Variants in S100PBP observed in about 807,000 individuals in gnomAD.
S100PBP encodes the protein S100P binding protein.
Under a neutral mutation model 39.9 loss-of-function variants are expected in S100PBP, and 15 were observed. The ratio of observed to expected loss-of-function variants is 0.38; its 90% confidence interval spans 0.25 to 0.58. The LOEUF (loss-of-function observed/expected upper bound fraction) is 0.58, where lower values mean the gene tolerates loss of function less well. Ranked by LOEUF, S100PBP falls within the 20% of genes least tolerant of loss-of-function variation. The pLI, the probability that S100PBP is intolerant of heterozygous loss-of-function variation, is 0.70. For missense variants in S100PBP, 504 were observed against 487.3 expected, an observed-to-expected ratio of 1.03 and a Z score of -0.32; for synonymous variants, 178 against 180.3, an observed-to-expected ratio of 0.99 and a Z score of 0.10.
At chr1:32,822,781 G>A (rs1639143224) in intron 1 of S100PBP, among the ~76,000 whole-genome samples, 1 of 152,052 alleles carries the variant, frequency 6.6e-6, no homozygotes, top group Non-Finnish European at 1.5e-5. Flanking sequence ...GCTCAGAAAA[G>A]CCCATTTTTT....
intron 1 of S100PBP, among the ~76,000 whole-genome samples, chr1:32,823,983 G>A (rs954637972): frequency 1.3e-5 from 2 of 152,204 alleles, no homozygotes; most frequent in African/African-American, 4.8e-5. Flanking sequence ...CGGATCACAA[G>A]GTCAGGAGAT....
intron 5 of S100PBP, chr1:32,847,456 TGA>T (rs1640429381): frequency 6.6e-6 from 1 of 152,204 alleles, no homozygotes; most frequent in South Asian, 2.1e-4. Context: ...TAGCTTACAG[TGA>T]GAGGTTAAGT....
rs1417060517 is a variant in S100PBP, at chr1:32,826,566, G to A, written c.467G>A (p.Cys156Tyr). 6.2e-7 allele frequency: 1 copy of A among 1,613,766 alleles called. No individual in the cohort carries two copies. The highest frequency in any genetic ancestry group is 8.5e-7 in the Non-Finnish European group (1 of 1,179,996). ...VTVAPFNPTV[C>Y]DALLDKDETD... ...GTTGCACCATTTAATCCAACAGTTT[G>A]TGATGCTCTGCTTGATAAGGACGAG... is the stretch of plus-strand genomic sequence containing the variant. The change falls in exon 3 of 7, where the codon TGT becomes TAT. Residue 156 changes from cysteine to tyrosine, a missense_variant. Transcript: ENST00000373475.
upstream of S100PBP, chr1:32,817,595 T>A: frequency 8.9e-6 from 4 of 449,392 alleles, 1 homozygote; most frequent in South Asian, 1.1e-4. Context: ...CCCGGCTGAC[T>A]CGGGGTAGGG....
At chr1:32,819,863 G>A (rs1456964156) in intron 1 of S100PBP, among the ~76,000 whole-genome samples, 1 of 152,102 alleles carries the variant, frequency 6.6e-6, no homozygotes, top group Non-Finnish European at 1.5e-5. Context: ...GAAGTTAACA[G>A]TATTTACCCC....
intron 5 of S100PBP, among the ~76,000 whole-genome samples, chr1:32,838,608 T>C (rs1457072670): frequency 6.6e-6 from 1 of 152,050 alleles, no homozygotes; most frequent in Non-Finnish European, 1.5e-5. Context: ...TTTGGGAGGC[T>C]GGGGTGGGCA....
intron 5 of S100PBP, among the ~76,000 whole-genome samples, chr1:32,831,595 T>A (rs1639602041): frequency 6.6e-6 from 1 of 152,076 alleles, no homozygotes; most frequent in African/African-American, 2.4e-5. Context: ...TCACTGAATA[T>A]TTCATAAGCA....
At chr1:32,828,195 G>T in intron 4 of S100PBP, 114 bp downstream of exon 4, 2 of 623,314 alleles carry the variant, frequency 3.2e-6, no homozygotes, top group Admixed American at 3.1e-5. Flanking sequence ...CCAGGAGTAA[G>T]CAAACTTGAA....
At chr1:32,818,814 A>T (rs185832927) in intron 1 of S100PBP, 1 of 152,330 alleles carries the variant, frequency 6.6e-6, no homozygotes, top group Non-Finnish European at 1.5e-5. Context: ...TTATGGAGTG[A>T]TAAAGCCTGC....
At chr1:32,817,729 C>G (rs1426639028) in intron 1 of S100PBP, 40 bp downstream of exon 1, 1 of 199,762 alleles carries the variant, frequency 5.0e-6, no homozygotes, top group African/African-American at 2.3e-5. Flanking sequence ...CGTTACCCGG[C>G]TTGGAGGGGG....
At chr1:32,838,376 C>T (rs1175259448) in intron 5 of S100PBP, among the ~76,000 whole-genome samples, 1 of 149,690 alleles carries the variant, frequency 6.7e-6, no homozygotes, top group Non-Finnish European at 1.5e-5. Flanking sequence ...AACTGCCAAA[C>T]TGTTCCCAAG....
At chr1:32,853,614 T>G (rs541696295) in intron 6 of S100PBP, among the ~76,000 whole-genome samples, 1 of 151,932 alleles carries the variant, frequency 6.6e-6, no homozygotes, top group Admixed American at 6.6e-5. Context: ...AGAACTGGAC[T>G]GAGGCTGAGC....
At chr1:32,840,341 C>T (rs1409491121) in intron 5 of S100PBP, among the ~76,000 whole-genome samples, 1 of 151,420 alleles carries the variant, frequency 6.6e-6, no homozygotes, top group Non-Finnish European at 1.5e-5. Flanking sequence ...GCACCTGGCC[C>T]CCTATTTTCT....
intron 5 of S100PBP, among the ~76,000 whole-genome samples, 171 bp downstream of exon 5, chr1:32,830,238 G>A (rs1440609362): frequency 6.6e-6 from 1 of 152,126 alleles, no homozygotes; most frequent in East Asian, 1.9e-4. Flanking sequence ...GATAATTCTC[G>A]AAGTGGTTTG....
At chr1:32,817,425 A>G (rs1470422408), upstream of S100PBP, 9 of 713,030 alleles carry the variant, frequency 1.3e-5, no homozygotes, top group Non-Finnish European at 2.1e-5. Context: ...GAGGAGCAGC[A>G]GAGAGTCGAG....
At chr1:32,850,240 T>G (rs960215665) in intron 5 of S100PBP, among the ~76,000 whole-genome samples, 2 of 152,210 alleles carry the variant, frequency 1.3e-5, no homozygotes, top group Non-Finnish European at 2.9e-5. Flanking sequence ...TCCATTTTGA[T>G]GGACACAGAA....
At chr1:32,845,244 A>G (rs1345131363) in intron 5 of S100PBP, among the ~76,000 whole-genome samples, 2 of 152,206 alleles carry the variant, frequency 1.3e-5, no homozygotes, top group South Asian at 4.1e-4. Flanking sequence ...TGTGTTAGCC[A>G]GGATGGTCTC....
chr1:32,823,971 G>C (rs1404287230), intron 1 of S100PBP, among the ~76,000 whole-genome samples: 1 of 152,214 alleles, frequency 6.6e-6, no homozygotes, highest in Non-Finnish European at 1.5e-5. Context: ...GGCCGAGGCA[G>C]GCGGATCACA....
chr1:32,821,811 G>A (rs1213020745), intron 1 of S100PBP, among the ~76,000 whole-genome samples: 1 of 151,874 alleles, frequency 6.6e-6, no homozygotes, highest in African/African-American at 2.4e-5. Context: ...AATTTTCTTT[G>A]TAGTTTTAGT....
Sources: allele counts gnomAD v4.1 joint callset (sites outside exome capture counted in the v4.1 genomes callset), GRCh38; gene constraint gnomAD v4.1.1; transcripts MANE v1.5; gene names NCBI Gene and HGNC (gene_info 2026-07-23, HGNC 2026-07-21).